MAPK9: variants seen among roughly 807,000 people sequenced by gnomAD.
The protein encoded by MAPK9 is mitogen-activated protein kinase 9, also known as Jun kinase.
Under a neutral mutation model 57.1 loss-of-function variants are expected in MAPK9, and 30 were observed. The ratio of observed to expected loss-of-function variants is 0.53; its 90% CI spans 0.39 to 0.71. The LOEUF (loss-of-function observed/expected upper bound fraction) is 0.71, where lower values mean the gene tolerates loss of function less well. Among genes scored for constraint, MAPK9 ranks in the 30% least tolerant of loss-of-function variants. The probability of loss-of-function intolerance (pLI) is 0.00; values close to 1 mark genes in which losing one functional copy is unlikely to be tolerated. For synonymous variants in MAPK9, 155 were observed against 177.0 expected (o/e 0.88, Z 0.99); for missense variants, 362 against 521.0 (o/e 0.69, Z 2.97).
At chr5:180,260,255 G>C (rs1263676024) in intron 5 of MAPK9, among the ~76,000 whole-genome samples, 1 of 152,148 alleles carries the variant, frequency 6.6e-6, no homozygotes, top group Non-Finnish European at 1.5e-5. Context: ...CCGGCACATT[G>C]AAAGACATGA....
rs1046270815 is a variant in MAPK9, at chr5:180,245,048, C to G, written c.689-2293G>C. On this transcript the variant is annotated intron_variant, in intron 7 of 11. Coordinates refer to ENST00000452135, the MANE Select transcript of MAPK9 (RefSeq NM_002752.5). ...CCTTCTCCATTTCCTTCCCTATTCCCTTTGTCCCTCCACCTCAAGGGGGCT... is the reference window on the plus strand; with the variant it reads ...CCTTCTCCATTTCCTTCCCTATTCCGTTTGTCCCTCCACCTCAAGGGGGCT... Among the ~76,000 whole-genome samples the G allele has an allele frequency of 1.3e-4, 20 of 152,178 alleles. 1 individual carries two copies. Among genetic ancestry groups the G allele is most frequent in the Non-Finnish European group, 2.5e-4 (17 of 68,026 alleles).
intron 5 of MAPK9, among the ~76,000 whole-genome samples, chr5:180,260,629 GTTTT>G (rs553601967): frequency 6.6e-6 from 1 of 152,098 alleles, no homozygotes; most frequent in Non-Finnish European, 1.5e-5. Context: ...GGTAGTGTGG[GTTTT>G]TTTGTCAGTT....
chr5:180,240,091 T>A lies in MAPK9; in HGVS notation c.997-104A>T. Reference sequence around the variant, plus strand: ...GAAGACTTCTAGTCTATTTATGATATGGATTTAGTTTAATTCAACACGTGG... The same window carrying A: ...GAAGACTTCTAGTCTATTTATGATAAGGATTTAGTTTAATTCAACACGTGG... On this transcript the variant is annotated intron_variant, in intron 9 of 11. Coordinates refer to ENST00000452135, the MANE Select transcript of MAPK9 (RefSeq NM_002752.5). 8 of 806,754 alleles carry A rather than the reference T, an allele frequency of 9.9e-6. No homozygotes were observed. The South Asian group carries it at 1.0e-4, about 11-fold the overall frequency. The allele number at this position is 806,754 out of a possible 1,614,324, so 50.0% of individuals were successfully genotyped here.
At chr5:180,246,370 A>G (rs1259504327) in intron 7 of MAPK9, 2 of 152,224 alleles carry the variant, frequency 1.3e-5, no homozygotes, top group Non-Finnish European at 2.9e-5. Flanking sequence ...AGAAAATGTA[A>G]AGAAAGGTAA....
intron 1 of MAPK9, among the ~76,000 whole-genome samples, chr5:180,283,477 G>A (rs532208537): frequency 2.0e-5 from 3 of 152,296 alleles, no homozygotes; most frequent in African/African-American, 4.8e-5. Flanking sequence ...CCGTGTCCAC[G>A]TTGGGACTGA....
intron 2 of MAPK9, among the ~76,000 whole-genome samples, chr5:180,276,337 T>C (rs986735022): frequency 7.9e-5 from 12 of 152,224 alleles, no homozygotes; most frequent in African/African-American, 2.9e-4. Flanking sequence ...AGACTCAATA[T>C]TGAACACTTT....
At chr5:180,248,884 T>C (rs1181976899) in intron 6 of MAPK9, 89 bp downstream of exon 6, 44 of 1,418,924 alleles carry the variant, frequency 3.1e-5, no homozygotes, top group Admixed American at 1.4e-4. Flanking sequence ...GTATATATCA[T>C]ATGGTTCAAA....
chr5:180,280,038 T>C, intron 2 of MAPK9: 1 of 457,630 alleles, frequency 2.2e-6, no homozygotes, highest in Non-Finnish European at 4.4e-6. Flanking sequence ...TGATGGCGCC[T>C]GGAAATGAAC....
At chr5:180,283,903 C>T (rs1198308997) in intron 1 of MAPK9, among the ~76,000 whole-genome samples, 1 of 152,144 alleles carries the variant, frequency 6.6e-6, no homozygotes, top group Non-Finnish European at 1.5e-5. Flanking sequence ...CCACTCCAGC[C>T]TGGGCCACAG....
intron 5 of MAPK9, among the ~76,000 whole-genome samples, chr5:180,261,193 G>A (rs1018458619): frequency 1.4e-4 from 21 of 152,158 alleles, no homozygotes; most frequent in African/African-American, 4.3e-4. Flanking sequence ...AAGCTGGCAC[G>A]GCAGAATTTT....
chr5:180,263,256 A>T (rs1760172071), intron 4 of MAPK9, among the ~76,000 whole-genome samples: 1 of 151,996 alleles, frequency 6.6e-6, no homozygotes, highest in African/African-American at 2.4e-5. Context: ...CTCATCTATC[A>T]GCTAATACCA....
intron 2 of MAPK9, among the ~76,000 whole-genome samples, chr5:180,279,560 C>T (rs1209592629): frequency 2.0e-5 from 3 of 152,162 alleles, no homozygotes; most frequent in East Asian, 1.9e-4. Flanking sequence ...GTAAACTACC[C>T]TACTAGAGCA....
chr5:180,279,148 G>C (rs1319892028), intron 2 of MAPK9, among the ~76,000 whole-genome samples: 1 of 152,046 alleles, frequency 6.6e-6, no homozygotes. Flanking sequence ...AGCAAAGACG[G>C]GGTTTCACCA....
At chr5:180,276,572 T>C (rs1761835435) in intron 2 of MAPK9, among the ~76,000 whole-genome samples, 1 of 152,208 alleles carries the variant, frequency 6.6e-6, no homozygotes, top group Non-Finnish European at 1.5e-5. Flanking sequence ...AAACTTATTT[T>C]AGGCCAGGCG....
At position 180,236,071 on chromosome 5, in the gene MAPK9, C is replaced by A; in HGVS notation, c.*313G>T. On this transcript the variant is annotated 3_prime_UTR_variant, in exon 12 of 12. Transcript: ENST00000452135. Reference sequence around the variant, plus strand: ...CATTTGTGGTCACATGCACATACATCTCAACAGTTACAGATGATGAGAAAC... The same window carrying A: ...CATTTGTGGTCACATGCACATACATATCAACAGTTACAGATGATGAGAAAC... 5.1e-6 allele frequency: 1 copy of A among 196,226 alleles called. No individual in the cohort carries two copies. Among genetic ancestry groups the A allele is most frequent in the Non-Finnish European group, 1.0e-5 (1 of 96,242 alleles). The allele number at this position is 196,226 out of a possible 1,614,324, so 12.2% of individuals were successfully genotyped here. A position where few individuals can be genotyped will look rare whatever the true frequency, so the allele number is the denominator to read the frequency against.
At chr5:180,253,227 T>C (rs939708484) in intron 5 of MAPK9, among the ~76,000 whole-genome samples, 1 of 152,204 alleles carries the variant, frequency 6.6e-6, no homozygotes, top group African/African-American at 2.4e-5. Context: ...GGGCCAGGAC[T>C]GCACTACGTT....
At chr5:180,272,272 T>C (rs1414442876) in intron 2 of MAPK9, among the ~76,000 whole-genome samples, 1 of 152,234 alleles carries the variant, frequency 6.6e-6, no homozygotes, top group Non-Finnish European at 1.5e-5. Context: ...ATAGATGGTA[T>C]TGCTCTGCCC....
rs1286149374 is a variant in MAPK9, at chr5:180,247,043, T to C, written c.688+396A>G. ...ACTTAATTAAAGCACACAAGCACAC[T>C]AGCCTATTAAATTTAGATAGCATCT... On this transcript the variant is annotated intron_variant, in intron 7 of 11. Transcript: ENST00000452135. The surrounding 1 kb of genome is among the most constrained non-coding windows in gnomAD (Gnocchi z 4.5). The C allele has an allele frequency of 4.9e-6, 1 of 205,654 alleles. No homozygotes were observed. 12.7% of individuals were successfully genotyped at this position (205,654 alleles called of 1,614,324 possible).
intron 3 of MAPK9, among the ~76,000 whole-genome samples, chr5:180,268,555 C>T (rs188143645): frequency 2.0e-3 from 298 of 152,330 alleles, no homozygotes; most frequent in Admixed American, 4.8e-3. Context: ...CAGCCGGGCG[C>T]CATGGCTCAC....
Sources: gnomAD v4.1 joint callset for allele counts (sites outside exome capture counted in the v4.1 genomes callset) on GRCh38, gnomAD v4.1.1 for gene constraint, Gnocchi (gnomAD v3.1) non-coding constraint, MANE v1.5 for transcripts, NCBI Gene and HGNC (gene_info 2026-07-23, HGNC 2026-07-21) for gene names.